Variants in RCCD1 observed in about 807,000 individuals in gnomAD.
RCCD1 encodes RCC1 domain containing 1, also known as RCC1 domain-containing protein 1.
A neutral mutation model predicts 37.6 loss-of-function variants in RCCD1; 40 were observed. The ratio of observed to expected loss-of-function variants is 1.06; its 90% CI spans 0.83 to 1.39. RCCD1 has a LOEUF of 1.39. RCCD1 is among the 40% of genes most tolerant of loss of function. RCCD1 has a pLI of 0.00. For synonymous variants in RCCD1, 263 were observed against 230.0 expected (o/e 1.14, Z -1.30); for missense variants, 577 against 517.3 (o/e 1.12, Z -1.12).
Position 90,962,862 on chromosome 15 carries a change from T to G in RCCD1, c.*1093T>G, listed in dbSNP as rs959059577. The G allele has an allele frequency of 2.0e-5, 3 of 152,236 alleles. No individual in the cohort carries two copies. The highest frequency in any genetic ancestry group is 7.2e-5 in the African/African-American group (3 of 41,464). The allele number at this position is 152,236 out of a possible 1,614,324, so 9.4% of individuals were successfully genotyped here. On this transcript the variant is annotated 3_prime_UTR_variant, in exon 8 of 8. Coordinates refer to ENST00000394258, the MANE Select transcript of RCCD1 (RefSeq NM_001017919.2). ...TCTGCTACAATGTAGTTTGTTTCAG[T>G]CTCTCTTGGTATTACCAATTTTAAT...
intron 1 of RCCD1, 135 bp from the exon 2 acceptor site, chr15:90,956,477 A>G (rs2037195652): frequency 8.1e-6 from 3 of 370,354 alleles, no homozygotes; most frequent in Non-Finnish European, 9.5e-6. Flanking sequence ...AAGGGAGGAC[A>G]GGGAAAGTGC....
rs2037217737 is a variant in RCCD1 at position 90,957,292 on chromosome 15, G to A, written c.346G>A (p.Val116Met). Reference sequence around the variant, plus strand: ...GGAGCCATTGTGGGCCCAGAATGTGGTGCCCGAGGCCGAAGGGGAAGACGA... The same window carrying A: ...GGAGCCATTGTGGGCCCAGAATGTGATGCCCGAGGCCGAAGGGGAAGACGA... The part of the protein sequence containing the change: ...RGEPLWAQNV[V>M]PEAEGEDDPA... Residue 116 changes from valine (V) to methionine (M), a missense_variant, in exon 3 of 8, where the codon GTG becomes ATG. Coordinates refer to ENST00000394258, the MANE Select transcript of RCCD1 (RefSeq NM_001017919.2). The A allele has an allele frequency of 1.2e-5, 19 of 1,528,070 alleles. No individual in the cohort carries two copies. The highest frequency in any genetic ancestry group is 1.6e-5 in the Non-Finnish European group (18 of 1,134,332). 94.7% of individuals were successfully genotyped at this position (1,528,070 alleles called of 1,614,324 possible).
At chr15:90,959,742 A>G in intron 4 of RCCD1, 158 bp from the exon 5 acceptor site, 1 of 532,408 alleles carries the variant, frequency 1.9e-6, no homozygotes, top group Non-Finnish European at 3.3e-6. Flanking sequence ...AACCTAAGAC[A>G]AGCCCCTGGG....
chr15:90,960,071 T>C, intron 5 of RCCD1, 73 bp downstream of exon 5: 1 of 1,279,916 alleles, frequency 7.8e-7, no homozygotes, highest in Non-Finnish European at 1.1e-6. Context: ...GGCTGTATGC[T>C]GGCCTCAGAG....
chr15:90,955,102 C>T (rs2151379560), intron 1 of RCCD1, 154 bp downstream of exon 1: 1 of 151,598 alleles, frequency 6.6e-6, no homozygotes, highest in Middle Eastern at 3.4e-3. Context: ...TGCCTTGGTC[C>T]AACGCCCCCG....
chr15:90,958,447 T>G (rs898626704), intron 4 of RCCD1, among the ~76,000 whole-genome samples: 3 of 151,504 alleles, frequency 2.0e-5, no homozygotes, highest in African/African-American at 7.3e-5. Context: ...ACCAACATGG[T>G]GAAACCCCGT....
chr15:90,960,950 T>A, intron 6 of RCCD1, 75 bp from the exon 7 acceptor site: 1 of 1,375,024 alleles, frequency 7.3e-7, no homozygotes, highest in Non-Finnish European at 1.0e-6. Context: ...AGCTGTGGGC[T>A]GTGCCAAGCT....
In RCCD1 at chr15:90,956,731, G is replaced by A. The variant is rs1275568083; in HGVS notation, c.-4G>A. 14 of 1,297,074 alleles carry A rather than the reference G, an allele frequency of 1.1e-5. No individual in the cohort carries two copies. The highest frequency in any genetic ancestry group is 1.4e-5 in the Non-Finnish European group (14 of 1,022,620). 80.3% of individuals were successfully genotyped at this position (1,297,074 alleles called of 1,614,324 possible). A position where few individuals can be genotyped will look rare whatever the true frequency, so the allele number is the denominator to read the frequency against. On this transcript the variant is annotated 5_prime_UTR_variant, in exon 2 of 8. Transcript: ENST00000394258. The stretch of plus-strand genomic sequence containing the variant: ...CGGCGGCCGGCAGAGGGCGCTGCTC[G>A]GGCATGGCGGAGGAGCGGCCGGGGG...
At chr15:90,960,886 TAAG>T (rs1232508732) in intron 6 of RCCD1, 136 bp from the exon 7 acceptor site, 1 of 842,512 alleles carries the variant, frequency 1.2e-6, no homozygotes, top group East Asian at 2.5e-5. Context: ...AGCCAGTTGT[TAAG>T]AGAATATGTT....
In RCCD1 at chr15:90,961,879, T is replaced by G; in HGVS notation, c.*110T>G. ...TATTTGCCCCTCCCCATCACAGTCC[T>G]GCCCTTCACCCTCAAGCACGGTCCT... On this transcript the variant is annotated 3_prime_UTR_variant, in exon 8 of 8. Transcript: ENST00000394258. 9.0e-7 allele frequency: 1 copy of G among 1,105,268 alleles called. No individual in the cohort carries two copies. Among genetic ancestry groups the G allele is most frequent in the Non-Finnish European group, 1.3e-6 (1 of 768,108 alleles). The allele number at this position is 1,105,268 out of a possible 1,614,324, so 68.5% of individuals were successfully genotyped here.
chr15:90,957,993 A>C (rs1401918471), intron 4 of RCCD1, among the ~76,000 whole-genome samples: 1 of 152,204 alleles, frequency 6.6e-6, no homozygotes, highest in Non-Finnish European at 1.5e-5. Context: ...GCTCCCAGCC[A>C]GGACTGTCTC....
intron 1 of RCCD1, among the ~76,000 whole-genome samples, chr15:90,956,376 G>A (rs951396360): frequency 4.6e-5 from 7 of 152,236 alleles, no homozygotes; most frequent in Non-Finnish European, 1.0e-4. Flanking sequence ...GCGGGACGGG[G>A]TGGGGGTGTC....
In RCCD1 at chr15:90,958,447, T is replaced by C. The variant is rs898626704; in HGVS notation, c.679+722T>C. ...TTCGAGATCAGCCTGACCAACATGG[T>C]GAAACCCCGTCTCTAAAAAAAAATA... On this transcript the variant is annotated intron_variant, in intron 4 of 7. Coordinates refer to ENST00000394258, the MANE Select transcript of RCCD1 (RefSeq NM_001017919.2). Among the ~76,000 whole-genome samples the C allele has an allele frequency of 4.6e-5, 7 of 151,504 alleles. No homozygotes were observed. In the East Asian group the frequency reaches 1.2e-3, roughly 25 times the overall value.
Position 90,957,126 on chromosome 15 carries a change from G to T in RCCD1, c.180G>T (p.Leu60Phe). The change falls in exon 3 of 8, where the codon TTG (leucine) becomes TTT (phenylalanine). Residue 60 changes from leucine to phenylalanine, a missense_variant. Coordinates refer to ENST00000394258, the MANE Select transcript of RCCD1 (RefSeq NM_001017919.2). ...YTAFVTRGGR[L>F]ELSGSASGAA... ...TCCGCCCCGCAGGTGGAGGCCGCTT[G>T]GAGCTGTCGGGCTCAGCCAGCGGCG... 7.4e-7 allele frequency: 1 copy of T among 1,350,216 alleles called. No individual in the cohort carries two copies. The highest frequency in any genetic ancestry group is 1.5e-5 in the African/African-American group (1 of 64,974). 83.6% of individuals were successfully genotyped at this position (1,350,216 alleles called of 1,614,324 possible).
At position 90,959,893 on chromosome 15, in the gene RCCD1, CT is replaced by C. The variant is rs2037278856; in HGVS notation, c.680-4del. ...TCTGTTTCATGTGTCCCCTTGATCT[CT>C]TTCAGAGACTGGGGATATTTATATC... is the stretch of plus-strand genomic sequence containing the variant. On this transcript the variant is annotated splice_region_variant and splice_polypyrimidine_tract_variant and intron_variant, in intron 4 of 7. Coordinates refer to ENST00000394258, the MANE Select transcript of RCCD1 (RefSeq NM_001017919.2). 1 of 1,604,198 alleles carries C rather than the reference CT, an allele frequency of 6.2e-7. No individual in the cohort carries two copies. Among genetic ancestry groups the C allele is most frequent in the Non-Finnish European group, 8.5e-7 (1 of 1,172,682 alleles).
chr15:90,961,582 G>A, intron 7 of RCCD1, 36 bp from the exon 8 acceptor site: 2 of 1,595,666 alleles, frequency 1.3e-6, no homozygotes, highest in Non-Finnish European at 1.7e-6. Flanking sequence ...GCAAGACCCA[G>A]TGGAGACGAT....
At chr15:90,957,746 C>G (rs753081451) in intron 4 of RCCD1, 21 bp downstream of exon 4, 5 of 1,583,730 alleles carry the variant, frequency 3.2e-6, no homozygotes, top group Middle Eastern at 1.7e-4. Context: ...TAGTGCTTCT[C>G]CAGACGAGCT....
In RCCD1 at chr15:90,957,216, G is replaced by A; in HGVS notation, c.270G>A (p.Pro90=). The A allele has an allele frequency of 7.1e-7, 1 of 1,412,374 alleles. No individual in the cohort carries two copies. Among genetic ancestry groups the A allele is most frequent in the Non-Finnish European group, 9.2e-7 (1 of 1,085,920 alleles). 87.5% of individuals were successfully genotyped at this position (1,412,374 alleles called of 1,614,324 possible). Residue 90 remains proline, a synonymous_variant, in exon 3 of 8, where the codon CCG becomes CCA. Coordinates refer to ENST00000394258, the MANE Select transcript of RCCD1 (RefSeq NM_001017919.2). ...EGLLAVLRAG[P]GPEALLQVWA... Reference sequence around the variant, plus strand: ...TCCTCGCGGTGCTGCGCGCCGGGCCGGGGCCGGAGGCGTTACTGCAGGTCT... The same window carrying A: ...TCCTCGCGGTGCTGCGCGCCGGGCCAGGGCCGGAGGCGTTACTGCAGGTCT...
chr15:90,960,315 TATC>T lies in RCCD1; in HGVS notation c.779-10_779-8del. On this transcript the variant is annotated splice_polypyrimidine_tract_variant and intron_variant, in intron 5 of 7. Coordinates refer to ENST00000394258, the MANE Select transcript of RCCD1 (RefSeq NM_001017919.2). ...GCTCAGTTGGTGTTCACATCATTAT[TATC>T]ATTCTGAAGCCACAGAACTGAATGA... 6.3e-7 allele frequency: 1 copy of T among 1,588,530 alleles called. No individual in the cohort carries two copies. Among genetic ancestry groups the T allele is most frequent in the Non-Finnish European group, 8.6e-7 (1 of 1,166,166 alleles).
Sources: gnomAD v4.1 joint callset for allele counts (sites outside exome capture counted in the v4.1 genomes callset) on GRCh38, gnomAD v4.1.1 for gene constraint, MANE v1.5 for transcripts, NCBI Gene and HGNC (gene_info 2026-07-23, HGNC 2026-07-21) for gene names.